RYR3: variants seen among roughly 807,000 people sequenced by gnomAD.
The protein encoded by RYR3 is brain ryanodine receptor-calcium release channel.
A neutral mutation model predicts 584.3 loss-of-function variants in RYR3; 207 were observed. That is an observed-to-expected ratio of 0.35 (90% CI 0.32 to 0.40). RYR3 has a LOEUF of 0.40. RYR3 is among the 10% of genes least tolerant of loss of function. The pLI, the probability that RYR3 is intolerant of heterozygous loss-of-function variation, is 1.00. For missense variants in RYR3, 5,616 were observed against 6,089.2 expected (o/e 0.92, Z 2.59); for synonymous variants, 2,416 against 2,248.5 (o/e 1.07, Z -2.11).
At chr15:33,629,872 T>C in intron 21 of RYR3, 68 bp from the exon 22 acceptor site, 2 of 814,810 alleles carry the variant, frequency 2.5e-6, no homozygotes, top group Non-Finnish European at 2.0e-6. Context: ...GTATGTTCTG[T>C]TCTGTTTTCC....
At chr15:33,702,721 G>A (rs2066396748) in intron 42 of RYR3, among the ~76,000 whole-genome samples, 1 of 152,036 alleles carries the variant, frequency 6.6e-6, no homozygotes, top group Admixed American at 6.6e-5. Flanking sequence ...TCCAAGGGCT[G>A]GTCTGGAGCA....
At chr15:33,599,941 C>A (rs1205567214) in intron 16 of RYR3, among the ~76,000 whole-genome samples, 1 of 152,150 alleles carries the variant, frequency 6.6e-6, no homozygotes, top group African/African-American at 2.4e-5. Flanking sequence ...CCCTGCTTTC[C>A]CTCTGGCTGT....
At chr15:33,654,266 T>A (rs1413523638) in intron 32 of RYR3, among the ~76,000 whole-genome samples, 1 of 152,052 alleles carries the variant, frequency 6.6e-6, no homozygotes, top group Non-Finnish European at 1.5e-5. Flanking sequence ...GTAGTTCCAG[T>A]ATCTTGGGGA....
Position 33,773,520 on chromosome 15 carries a change from C to A in RYR3, c.9056-14C>A, listed in dbSNP as rs1217698549. On this transcript the variant is annotated splice_polypyrimidine_tract_variant and intron_variant, in intron 63 of 103. Transcript: ENST00000634891. ...GGATTGATGCAAATCAATGATATTT[C>A]TTCTTTGTTTCAGTGGGTGATGTGC... 1.3e-6 allele frequency: 2 copies of A among 1,583,110 alleles called. No individual in the cohort carries two copies. The highest frequency in any genetic ancestry group is 2.7e-5 in the African/African-American group (2 of 74,314).
intron 91 of RYR3, 46 bp from the exon 92 acceptor site, chr15:33,843,440 CTT>C: frequency 7.3e-7 from 1 of 1,361,742 alleles, no homozygotes; most frequent in Non-Finnish European, 1.0e-6. Context: ...AGGAAGTTCT[CTT>C]TTCCTTCCAA....
At chr15:33,801,988 A>AATTG (rs2075942202) in intron 69 of RYR3, 27 bp downstream of exon 69, 1 of 1,340,698 alleles carries the variant, frequency 7.5e-7, no homozygotes, top group South Asian at 1.2e-5. Context: ...CAATTCCAAA[A>AATTG]ACTCTTCAAC....
chr15:33,628,599 G>A (rs1454590819), intron 21 of RYR3, 24 bp downstream of exon 21: 5 of 1,448,040 alleles, frequency 3.5e-6, no homozygotes, highest in Admixed American at 1.7e-5. Flanking sequence ...GGCCAGGTTA[G>A]GGTGGAGGGT....
At chr15:33,835,605 C>G (rs1007267258) in intron 87 of RYR3, among the ~76,000 whole-genome samples, 1 of 152,176 alleles carries the variant, frequency 6.6e-6, no homozygotes, top group African/African-American at 2.4e-5. Context: ...TTGCCTCTCT[C>G]CATGGCAACA....
intron 1 of RYR3, among the ~76,000 whole-genome samples, chr15:33,385,304 C>T (rs2041509930): frequency 1.3e-5 from 2 of 151,972 alleles, no homozygotes; most frequent in African/African-American, 2.4e-5. Context: ...TTTTTTTCCC[C>T]TTGTAGAAGG....
At chr15:33,488,652 A>G (rs991624331) in intron 2 of RYR3, among the ~76,000 whole-genome samples, 2 of 152,106 alleles carry the variant, frequency 1.3e-5, no homozygotes, top group Non-Finnish European at 2.9e-5. Flanking sequence ...GGAGATCGAG[A>G]CCATCCTGGC....
chr15:33,495,233 A>AT (rs1180358542), intron 2 of RYR3, among the ~76,000 whole-genome samples: 1 of 152,204 alleles, frequency 6.6e-6, no homozygotes, highest in Non-Finnish European at 1.5e-5. Context: ...CTTAACTTTC[A>AT]TTTAAGGCAT....
intron 65 of RYR3, among the ~76,000 whole-genome samples, chr15:33,780,756 G>A (rs752791374): frequency 4.3e-4 from 66 of 152,094 alleles, no homozygotes; most frequent in Middle Eastern, 3.2e-3. Context: ...ATGGAGAGGC[G>A]TGCTTCTAAA....
intron 1 of RYR3, among the ~76,000 whole-genome samples, chr15:33,369,914 A>G (rs576896612): frequency 6.6e-6 from 1 of 152,334 alleles, no homozygotes; most frequent in African/African-American, 2.4e-5. Flanking sequence ...TAGATCATGG[A>G]CAGTATCTTA....
intron 43 of RYR3, among the ~76,000 whole-genome samples, chr15:33,709,599 G>A (rs1393992576): frequency 6.6e-6 from 1 of 152,184 alleles, no homozygotes; most frequent in African/African-American, 2.4e-5. Context: ...GAGGCCACGA[G>A]TTCAACATCT....
At chr15:33,359,580 C>G (rs561351019) in intron 1 of RYR3, among the ~76,000 whole-genome samples, 5 of 151,908 alleles carry the variant, frequency 3.3e-5, no homozygotes, top group Non-Finnish European at 7.4e-5. Context: ...TTTAGAGAGG[C>G]CTTCCCTGAC....
chr15:33,819,950 A>G (rs543399788), intron 77 of RYR3, 143 bp downstream of exon 77: 5 of 553,824 alleles, frequency 9.0e-6, no homozygotes, highest in African/African-American at 5.8e-5. Context: ...TTCATGTGCC[A>G]TAGAGATGAT....
intron 1 of RYR3, among the ~76,000 whole-genome samples, chr15:33,448,171 T>G (rs535216254): frequency 6.6e-6 from 1 of 152,270 alleles, no homozygotes; most frequent in South Asian, 2.1e-4. Context: ...TGGCTGAGTC[T>G]TCCAGTGAGG....
chr15:33,859,650 G>A lies in RYR3; in HGVS notation c.14218G>A (p.Asp4740Asn). The change falls in exon 100 of 104, where the codon GAT becomes AAT. Residue 4740 changes from aspartate to asparagine, a missense_variant. Transcript: ENST00000634891. ...TGATGAAATTGAAGACCCTGCTGGT[G>A]ATCCTTATGAAATGTATCGCATTGT... ...IGDEIEDPAG[D>N]PYEMYRIVFD... 1 of 1,613,976 alleles carries A rather than the reference G, an allele frequency of 6.2e-7. No individual in the cohort carries two copies. Among genetic ancestry groups the A allele is most frequent in the Non-Finnish European group, 8.5e-7 (1 of 1,179,870 alleles).
chr15:33,644,493 G>A lies in RYR3; in HGVS notation c.3739G>A (p.Val1247Met), dbSNP rs777516148. ...CAAGCGCCTCCCGACGTTTGTCAAC[G>A]TGCCAAAGGATCATCCACACATAGA... ...FSKRLPTFVNVPKDHPHIEVM... is the reference protein window; with the variant it reads ...FSKRLPTFVNMPKDHPHIEVM... The change falls in exon 28 of 104, where the codon GTG (valine) becomes ATG (methionine). Residue 1247 changes from valine to methionine, a missense_variant. By Grantham distance (21) the Val-to-Met change is conservative. Transcript: ENST00000634891. 13 of 1,613,580 alleles carry A rather than the reference G, an allele frequency of 8.1e-6. No individual in the cohort carries two copies. The highest frequency in any genetic ancestry group is 5.3e-5 in the African/African-American group (4 of 74,926).
Sources: gnomAD v4.1 joint callset for allele counts (sites outside exome capture counted in the v4.1 genomes callset) on GRCh38, gnomAD v4.1.1 for gene constraint, MANE v1.5 for transcripts, NCBI Gene and HGNC (gene_info 2026-07-23, HGNC 2026-07-21) for gene names.